Variants in CD38 observed in about 807,000 individuals in gnomAD.
The protein encoded by CD38 is CD38 molecule.
CD38 carries 31 observed loss-of-function variants against 36.3 expected under a neutral mutation model. That is an observed-to-expected ratio of 0.85 (90% CI 0.64 to 1.15). CD38 has a LOEUF of 1.15. Ranked by LOEUF, CD38 falls within the 50% of genes most tolerant of loss-of-function variation. The pLI, the probability that CD38 is intolerant of heterozygous loss-of-function variation, is 0.00. For missense variants in CD38, 380 were observed against 371.9 expected (o/e 1.02, Z -0.18); for synonymous variants, 131 against 135.2 (o/e 0.97, Z 0.22).
chr4:15,808,847 G>A (rs910095223), intron 1 of CD38, among the ~76,000 whole-genome samples: 2 of 152,210 alleles, frequency 1.3e-5, no homozygotes, highest in African/African-American at 4.8e-5. Flanking sequence ...AGCTATTCAA[G>A]AAAAGCTTTT....
At chr4:15,783,211 G>C (rs927086980) in intron 1 of CD38, among the ~76,000 whole-genome samples, 2 of 152,160 alleles carry the variant, frequency 1.3e-5, no homozygotes, top group Non-Finnish European at 2.9e-5. Context: ...GTGGGAGGGA[G>C]CCCAGTGTCT....
intron 3 of CD38, among the ~76,000 whole-genome samples, chr4:15,832,231 T>C (rs946322765): frequency 3.9e-5 from 6 of 152,242 alleles, no homozygotes; most frequent in Non-Finnish European, 8.8e-5. Flanking sequence ...TTGAATTCTC[T>C]GTCTCACATA....
chr4:15,826,461 A>G lies in CD38; in HGVS notation c.499+1445A>G, dbSNP rs769272259. On this transcript the variant is annotated intron_variant, in intron 3 of 7. Coordinates refer to ENST00000226279, the MANE Select transcript of CD38 (RefSeq NM_001775.4). ...TATTGTAAGAAACACTTTTGTGCGC[A>G]CACACACACACACACACACACACAC... 2.1e-3 allele frequency among the ~76,000 whole-genome samples: 172 copies of G among 80,078 alleles called. 1 individual carries two copies. The highest frequency in any genetic ancestry group is 6.3e-3 in the East Asian group (18 of 2,874). 52.5% of individuals were successfully genotyped at this position (80,078 alleles called of 152,430 possible).
intron 1 of CD38, among the ~76,000 whole-genome samples, chr4:15,794,681 A>G (rs1263434597): frequency 2.0e-5 from 3 of 152,204 alleles, no homozygotes; most frequent in Non-Finnish European, 2.9e-5. Flanking sequence ...GTGCACAGAC[A>G]ACTCTTGCAA....
At chr4:15,790,900 C>T (rs1425341975) in intron 1 of CD38, among the ~76,000 whole-genome samples, 9 of 150,138 alleles carry the variant, frequency 6.0e-5, no homozygotes, top group African/African-American at 1.5e-4. Context: ...TGTCTCTGCC[C>T]GGCCGCCCCG....
rs1168154205 is a variant in CD38 at position 15,848,837 on chromosome 4, A to AATTGTATG, written c.*236_*243dup. ...AATTATTGTATAAGATTAGAATGAA[A>AATTGTATG]ATTGTATGTTAAGTTACTTCACTTT... On this transcript the variant is annotated 3_prime_UTR_variant, in exon 8 of 8. Coordinates refer to ENST00000226279, the MANE Select transcript of CD38 (RefSeq NM_001775.4). The AATTGTATG allele has an allele frequency of 1.1e-5, 4 of 369,606 alleles. No homozygotes were observed. The highest frequency in any genetic ancestry group is 8.2e-5 in the African/African-American group (4 of 48,666). 22.9% of individuals were successfully genotyped at this position (369,606 alleles called of 1,614,324 possible).
intron 4 of CD38, 62 bp downstream of exon 4, chr4:15,834,364 G>A: frequency 3.1e-6 from 3 of 964,234 alleles, no homozygotes; most frequent in Non-Finnish European, 5.1e-6. Context: ...ACGTTACTCA[G>A]TCAGTGCTTG....
intron 1 of CD38, among the ~76,000 whole-genome samples, chr4:15,797,278 A>G (rs1174712241): frequency 6.6e-6 from 1 of 152,204 alleles, no homozygotes; most frequent in Non-Finnish European, 1.5e-5. Flanking sequence ...AGATTTACCC[A>G]TGCTAATATA....
intron 7 of CD38, among the ~76,000 whole-genome samples, chr4:15,842,406 C>G (rs1445404511): frequency 8.4e-5 from 6 of 71,500 alleles, no homozygotes; most frequent in Non-Finnish European, 1.3e-4. Flanking sequence ...GAAAACCCAT[C>G]TGTACATCAC....
intron 3 of CD38, among the ~76,000 whole-genome samples, chr4:15,829,094 T>C (rs1326834881): frequency 6.6e-6 from 1 of 152,224 alleles, no homozygotes. Flanking sequence ...TTTTAAAATA[T>C]ATTTGTTGGC....
rs1724360036 is a variant in CD38 at position 15,850,465 on chromosome 4, A to C, written c.*1863A>C. On this transcript the variant is annotated 3_prime_UTR_variant, in exon 8 of 8. Transcript: ENST00000226279. ...TGACATCATGCTGTCATCTTGAACA[A>C]AATGCCTAACCTTTCTGAACTTCAA... The C allele has an allele frequency of 6.6e-6, 1 of 152,242 alleles. No homozygotes were observed. The highest frequency in any genetic ancestry group is 1.5e-5 in the Non-Finnish European group (1 of 68,046). 9.4% of individuals were successfully genotyped at this position (152,242 alleles called of 1,614,324 possible).
In CD38 at chr4:15,840,012, T is replaced by A; in HGVS notation, c.660-14T>A. ...GGGGTTGATGTTTGGGGTTCTTTGT[T>A]TCTTCTATTTTAGCACTTTTGGGAG... On this transcript the variant is annotated splice_polypyrimidine_tract_variant and intron_variant, in intron 5 of 7. Transcript: ENST00000226279. 1 of 1,596,280 alleles carries A rather than the reference T, an allele frequency of 6.3e-7. No individual in the cohort carries two copies. Among genetic ancestry groups the A allele is most frequent in the Non-Finnish European group, 8.6e-7 (1 of 1,163,760 alleles).
At chr4:15,779,939 C>T (rs1410649947) in intron 1 of CD38, among the ~76,000 whole-genome samples, 1 of 152,146 alleles carries the variant, frequency 6.6e-6, no homozygotes, top group Non-Finnish European at 1.5e-5. Flanking sequence ...TAGCTTGTTT[C>T]CAATTTTTCA....
intron 1 of CD38, among the ~76,000 whole-genome samples, chr4:15,788,981 T>A (rs1381835716): frequency 6.6e-6 from 1 of 152,148 alleles, no homozygotes; most frequent in African/African-American, 2.4e-5. Context: ...CCATCTAACT[T>A]CATAAGGTTC....
At chr4:15,779,471 T>A (rs1722639461) in intron 1 of CD38, among the ~76,000 whole-genome samples, 1 of 152,198 alleles carries the variant, frequency 6.6e-6, no homozygotes, top group African/African-American at 2.4e-5. Context: ...CGGGAAATTA[T>A]CGTTGCTTGT....
At chr4:15,818,163 T>TG (rs1293253991) in intron 2 of CD38, among the ~76,000 whole-genome samples, 1 of 55,530 alleles carries the variant, frequency 1.8e-5, no homozygotes, top group East Asian at 6.0e-4. Context: ...TGGAGCTGGG[T>TG]GGGGGGAGGG....
At chr4:15,838,338 T>G (rs1284499549) in intron 5 of CD38, among the ~76,000 whole-genome samples, 173 bp downstream of exon 5, 1 of 152,150 alleles carries the variant, frequency 6.6e-6, no homozygotes, top group Non-Finnish European at 1.5e-5. Context: ...GTCAATGTGT[T>G]TGTCTGATTT....
chr4:15,786,761 G>C (rs1321660391), intron 1 of CD38, among the ~76,000 whole-genome samples: 1 of 152,264 alleles, frequency 6.6e-6, no homozygotes, highest in Admixed American at 6.5e-5. Context: ...ACGGTGGATG[G>C]GACGCCAGGG....
intron 4 of CD38, among the ~76,000 whole-genome samples, chr4:15,835,635 C>G (rs368707278): frequency 3.9e-5 from 6 of 152,108 alleles, no homozygotes; most frequent in African/African-American, 1.4e-4. Context: ...GCCTTGGCCT[C>G]CCAAGGTGCT....
Sources: allele counts gnomAD v4.1 joint callset (sites outside exome capture counted in the v4.1 genomes callset), GRCh38; gene constraint gnomAD v4.1.1; transcripts MANE v1.5; gene names NCBI Gene and HGNC (gene_info 2026-07-23, HGNC 2026-07-21).